RFTN1: variants seen among roughly 807,000 people sequenced by gnomAD.
The protein encoded by RFTN1 is raftlin.
In RFTN1, 26 loss-of-function variants were observed where a neutral mutation model predicts 46.5. That is an observed-to-expected ratio of 0.56 (90% CI 0.41 to 0.78). The LOEUF is 0.78. RFTN1 is among the 30% of genes least tolerant of loss of function. The pLI is 0.00. For missense variants in RFTN1, 693 were observed against 718.7 expected, an observed-to-expected ratio of 0.96 and a Z score of 0.41; for synonymous variants, 261 against 284.2, an observed-to-expected ratio of 0.92 and a Z score of 0.82.
At chr3:16,328,099 G>A (rs1428399708) in intron 7 of RFTN1, among the ~76,000 whole-genome samples, 3 of 152,368 alleles carry the variant, frequency 2.0e-5, no homozygotes, top group South Asian at 2.1e-4. Context: ...CCGGCCCCTG[G>A]AGTTCACAGG....
chr3:16,458,599 C>G lies in RFTN1; in HGVS notation c.146-24562G>C, dbSNP rs139721814. ...AATCGTAAATTGTCCTTTCAACATG[C>G]ATAATGACAAGCATTTCGACCCACA... On this transcript the variant is annotated intron_variant, in intron 2 of 9. Transcript: ENST00000334133. The surrounding 1 kb of genome is among the most constrained non-coding windows in gnomAD (Gnocchi z 5.1). 6.6e-6 allele frequency among the ~76,000 whole-genome samples: 1 copy of G among 152,288 alleles called. No individual in the cohort carries two copies. Among genetic ancestry groups the G allele is most frequent in the African/African-American group, 2.4e-5 (1 of 41,540 alleles).
intron 7 of RFTN1, chr3:16,349,889 A>G (rs879509360): frequency 6.6e-6 from 1 of 152,242 alleles, no homozygotes; most frequent in Admixed American, 6.5e-5. Flanking sequence ...TTCCAGCAGG[A>G]GTCGATGTTG....
chr3:16,403,685 TATATA>T (rs1266167343), intron 4 of RFTN1, among the ~76,000 whole-genome samples: 2 of 24,590 alleles, frequency 8.1e-5, no homozygotes, highest in Non-Finnish European at 6.7e-5. Flanking sequence ...ATATAATATA[TATATA>T]ATATATATTT....
intron 4 of RFTN1, among the ~76,000 whole-genome samples, chr3:16,378,963 A>G (rs1017788988): frequency 2.0e-5 from 3 of 152,270 alleles, no homozygotes; most frequent in Non-Finnish European, 4.4e-5. Context: ...AGAAAAATTG[A>G]AAATAAATAA....
In RFTN1 at chr3:16,400,368, C is replaced by G. The variant is rs964668762; in HGVS notation, c.441+9007G>C. Among the ~76,000 whole-genome samples, 5 of 152,196 alleles carry G rather than the reference C, an allele frequency of 3.3e-5. No homozygotes were observed. Among genetic ancestry groups the G allele is most frequent in the Non-Finnish European group, 7.4e-5 (5 of 68,026 alleles). Reference sequence around the variant, plus strand: ...TGGTATGTACACTTCATGGAGCACTCCCCCAACACTGCCAGCCTGGGGCAG... The same window carrying G: ...TGGTATGTACACTTCATGGAGCACTGCCCCAACACTGCCAGCCTGGGGCAG... On this transcript the variant is annotated intron_variant, in intron 4 of 9. Coordinates refer to ENST00000334133, the MANE Select transcript of RFTN1 (RefSeq NM_015150.2). This position sits in a 1 kb window ranked among gnomAD's most constrained non-coding sequence, Gnocchi z 4.5.
At position 16,353,989 on chromosome 3, in the gene RFTN1, C is replaced by A. The variant is rs556015498; in HGVS notation, c.1146+3943G>T. Reference sequence around the variant, plus strand: ...CATTGAATAGGAAATAGGGGTAGAGCCTGGATAGCTGTGTTTTAAAAAGTT... The same window carrying A: ...CATTGAATAGGAAATAGGGGTAGAGACTGGATAGCTGTGTTTTAAAAAGTT... On this transcript the variant is annotated intron_variant, in intron 7 of 9. Transcript: ENST00000334133. The surrounding 1 kb of genome is among the most constrained non-coding windows in gnomAD (Gnocchi z 5.4). Among the ~76,000 whole-genome samples, 111 of 152,300 alleles carry A rather than the reference C, an allele frequency of 7.3e-4. No individual in the cohort carries two copies. Among genetic ancestry groups the A allele is most frequent in the African/African-American group, 2.6e-3 (110 of 41,550 alleles).
chr3:16,333,807 C>G (rs935376960), intron 7 of RFTN1, among the ~76,000 whole-genome samples: 1 of 152,116 alleles, frequency 6.6e-6, no homozygotes, highest in Non-Finnish European at 1.5e-5. Flanking sequence ...GAAGAGAGAT[C>G]ACAGAAGATT....
rs1265373219 is a variant in RFTN1, at chr3:16,504,856, C to T, written c.-9+8586G>A. Among the ~76,000 whole-genome samples the T allele has an allele frequency of 6.6e-6, 1 of 152,140 alleles. No homozygotes were observed. The highest frequency in any genetic ancestry group is 1.5e-5 in the Non-Finnish European group (1 of 68,022). Reference sequence around the variant, plus strand: ...TTCTCAGCACTTCTGGAAGAATATGCCCCACAGAATGCAGCACCTTGCCCA... The same window carrying T: ...TTCTCAGCACTTCTGGAAGAATATGTCCCACAGAATGCAGCACCTTGCCCA... On this transcript the variant is annotated intron_variant, in intron 1 of 9. Coordinates refer to ENST00000334133, the MANE Select transcript of RFTN1 (RefSeq NM_015150.2). This position sits in a 1 kb window ranked among gnomAD's most constrained non-coding sequence, Gnocchi z 4.4.
At position 16,495,052 on chromosome 3, in the gene RFTN1, C is replaced by T. The variant is rs371705497; in HGVS notation, c.-8-1175G>A. ...GGTGGAGTGGAAGGAGACGGTGTAGCGACAACCAGGCTCTACTTTTCAGTA... is the reference window on the plus strand; with the variant it reads ...GGTGGAGTGGAAGGAGACGGTGTAGTGACAACCAGGCTCTACTTTTCAGTA... On this transcript the variant is annotated intron_variant, in intron 1 of 9. Transcript: ENST00000334133. Among the ~76,000 whole-genome samples, 15 of 152,074 alleles carry T rather than the reference C, an allele frequency of 9.9e-5. No individual in the cohort carries two copies. In the East Asian group the frequency reaches 2.1e-3, roughly 22 times the overall value.
chr3:16,367,873 C>T (rs2073293241), intron 6 of RFTN1, among the ~76,000 whole-genome samples: 1 of 152,112 alleles, frequency 6.6e-6, no homozygotes, highest in Non-Finnish European at 1.5e-5. Flanking sequence ...CCCTGACATG[C>T]TCAGGCAGTG....
At position 16,383,270 on chromosome 3, in the gene RFTN1, C is replaced by A. The variant is rs2074055516; in HGVS notation, c.442-5168G>T. On this transcript the variant is annotated intron_variant, in intron 4 of 9. Transcript: ENST00000334133. The surrounding 1 kb of genome is among the most constrained non-coding windows in gnomAD (Gnocchi z 4.0). ...GCCTGTTTAAACTGATATACACCCT[C>A]ACCCACCTTATTCTCATTTCTGCTG... 6.6e-6 allele frequency among the ~76,000 whole-genome samples: 1 copy of A among 152,174 alleles called. No individual in the cohort carries two copies. The highest frequency in any genetic ancestry group is 1.5e-5 in the Non-Finnish European group (1 of 68,026).
chr3:16,389,139 A>G (rs2074285997), intron 4 of RFTN1, among the ~76,000 whole-genome samples: 1 of 152,232 alleles, frequency 6.6e-6, no homozygotes, highest in African/African-American at 2.4e-5. Flanking sequence ...CTTCCAAAGC[A>G]TTAATGAAAC....
intron 4 of RFTN1, among the ~76,000 whole-genome samples, chr3:16,404,419 A>G (rs2074800261): frequency 8.4e-6 from 1 of 118,880 alleles, no homozygotes; most frequent in Admixed American, 1.2e-4. Flanking sequence ...TATATACACA[A>G]TATACATATA....
rs2071595523 is a variant in RFTN1 at position 16,345,509 on chromosome 3, G to A, written c.1146+12423C>T. ...GACCAGATGGCCCTCCCCAGTGTGG[G>A]TGGACACCATCCAGTCATTGAGGAC... On this transcript the variant is annotated intron_variant, in intron 7 of 9. Transcript: ENST00000334133. This position sits in a 1 kb window ranked among gnomAD's most constrained non-coding sequence, Gnocchi z 5.2. 6.6e-6 allele frequency among the ~76,000 whole-genome samples: 1 copy of A among 152,114 alleles called. No individual in the cohort carries two copies. The highest frequency in any genetic ancestry group is 2.1e-4 in the South Asian group (1 of 4,830).
intron 2 of RFTN1, chr3:16,454,920 AAAAC>A (rs928163929): frequency 3.1e-6 from 1 of 322,568 alleles, no homozygotes; most frequent in Admixed American, 6.5e-5. Context: ...TGAAAAAACA[AAAAC>A]AAAGGATAGA....
chr3:16,489,444 A>G lies in RFTN1; in HGVS notation c.145+4281T>C, dbSNP rs2076505370. 6.6e-6 allele frequency among the ~76,000 whole-genome samples: 1 copy of G among 151,804 alleles called. No homozygotes were observed. Among genetic ancestry groups the G allele is most frequent in the African/African-American group, 2.4e-5 (1 of 41,296 alleles). ...AAAAAAAATCAGTGATGGAGAGGAG[A>G]TTAGTGGTTGTCTGGGGTTGGAGGG... On this transcript the variant is annotated intron_variant, in intron 2 of 9. Transcript: ENST00000334133. The surrounding 1 kb of genome is among the most constrained non-coding windows in gnomAD (Gnocchi z 4.0).
In RFTN1 at chr3:16,433,994, A is replaced by T; in HGVS notation, c.189T>A (p.Arg63=). Residue 63 remains arginine, a synonymous_variant, in exon 3 of 10, where the codon CGT becomes CGA. Transcript: ENST00000334133. The surrounding 1 kb of genome is among the most constrained non-coding windows in gnomAD (Gnocchi z 4.4). ...GCTCCAGGAGCTGGGCGGGCAGGTC[A>T]CGCAGGGAGGCCAGCCTCACTGCTG... ...GSSAVRLASL[R]DLPAQLLELY... 6.2e-7 allele frequency: 1 copy of T among 1,612,778 alleles called. No homozygotes were observed. Among genetic ancestry groups the T allele is most frequent in the Non-Finnish European group, 8.5e-7 (1 of 1,179,530 alleles).
At position 16,459,486 on chromosome 3, in the gene RFTN1, T is replaced by C. The variant is rs1267929760; in HGVS notation, c.146-25449A>G. Among the ~76,000 whole-genome samples the C allele has an allele frequency of 2.0e-5, 3 of 152,160 alleles. No individual in the cohort carries two copies. The highest frequency in any genetic ancestry group is 4.4e-5 in the Non-Finnish European group (3 of 68,022). On this transcript the variant is annotated intron_variant, in intron 2 of 9. Coordinates refer to ENST00000334133, the MANE Select transcript of RFTN1 (RefSeq NM_015150.2). The surrounding 1 kb of genome is among the most constrained non-coding windows in gnomAD (Gnocchi z 4.2). ...CAGCGTGTGCCTTTATCCCAGCTACTTGGAGACTAAGGTGGGGCACTGCTT... is the reference window on the plus strand; with the variant it reads ...CAGCGTGTGCCTTTATCCCAGCTACCTGGAGACTAAGGTGGGGCACTGCTT...
intron 2 of RFTN1, among the ~76,000 whole-genome samples, chr3:16,436,878 T>C (rs2075527017): frequency 6.6e-6 from 1 of 152,250 alleles, no homozygotes; most frequent in Non-Finnish European, 1.5e-5. Context: ...TTCCTGTTTA[T>C]ATTTTGAATT....
Sources: allele counts gnomAD v4.1 joint callset (sites outside exome capture counted in the v4.1 genomes callset), GRCh38; gene constraint gnomAD v4.1.1; non-coding constraint Gnocchi (gnomAD v3.1); transcripts MANE v1.5; gene names NCBI Gene and HGNC (gene_info 2026-07-23, HGNC 2026-07-21).